Variants in KLHL29 observed in about 807,000 individuals in gnomAD.
The protein encoded by KLHL29 is kelch like family member 29.
In KLHL29, 21 loss-of-function variants were observed where a neutral mutation model predicts 80.4. That is an observed-to-expected ratio of 0.26 (90% CI 0.19 to 0.38). The LOEUF (loss-of-function observed/expected upper bound fraction) is 0.38, where lower values mean the gene tolerates loss of function less well. KLHL29 is among the 10% of genes least tolerant of loss of function. The pLI is 1.00. For synonymous variants in KLHL29, 511 were observed against 526.8 expected, an observed-to-expected ratio of 0.97 and a Z score of 0.41; for missense variants, 867 against 1,223.9, an observed-to-expected ratio of 0.71 and a Z score of 4.35.
intron 3 of KLHL29, among the ~76,000 whole-genome samples, chr2:23,614,112 A>G (rs960063677): frequency 2.0e-5 from 3 of 152,228 alleles, no homozygotes; most frequent in South Asian, 4.1e-4. Context: ...ACTCAAAACA[A>G]TGCACCCATT....
At chr2:23,501,032 A>T (rs529674811) in intron 2 of KLHL29, among the ~76,000 whole-genome samples, 68 of 152,288 alleles carry the variant, frequency 4.5e-4, no homozygotes, top group African/African-American at 1.6e-3. Flanking sequence ...TGGAGAGCTG[A>T]CGAGCAGCTT....
At chr2:23,403,858 G>A (rs1666659151) in intron 1 of KLHL29, among the ~76,000 whole-genome samples, 1 of 152,010 alleles carries the variant, frequency 6.6e-6, no homozygotes, top group Admixed American at 6.6e-5. Flanking sequence ...GTGCATATGT[G>A]TTTGCATTTG....
intron 11 of KLHL29, among the ~76,000 whole-genome samples, chr2:23,702,256 C>T (rs1171610477): frequency 6.6e-6 from 1 of 152,162 alleles, no homozygotes; most frequent in East Asian, 1.9e-4. Flanking sequence ...GCATTTAATA[C>T]ACCTGCCCTA....
intron 2 of KLHL29, among the ~76,000 whole-genome samples, chr2:23,511,847 A>G (rs1351228913): frequency 1.3e-5 from 2 of 151,964 alleles, no homozygotes; most frequent in East Asian, 3.9e-4. Context: ...TGGTGGGGGA[A>G]CCCAGCTGGT....
chr2:23,601,249 G>A (rs1360541461), intron 3 of KLHL29, among the ~76,000 whole-genome samples: 3 of 152,282 alleles, frequency 2.0e-5, no homozygotes, highest in Admixed American at 6.5e-5. Context: ...GAGGGGGCCC[G>A]GCAAGTCGGG....
rs1667181794 is a variant in KLHL29, at chr2:23,553,546, C to A, written c.-45-8606C>A. On this transcript the variant is annotated intron_variant, in intron 2 of 13. Coordinates refer to ENST00000486442, the MANE Select transcript of KLHL29 (RefSeq NM_052920.2). ...CACATTTCATGTCCACTTGGAGGTG[C>A]CGAACACCTCACCCCCTGAGGAATA... is the stretch of plus-strand genomic sequence containing the variant. 2.0e-5 allele frequency among the ~76,000 whole-genome samples: 3 copies of A among 152,298 alleles called. No individual in the cohort carries two copies. The South Asian group carries it at 6.2e-4, about 32-fold the overall frequency.
chr2:23,449,457 G>A (rs893719934), intron 1 of KLHL29, among the ~76,000 whole-genome samples: 2 of 152,192 alleles, frequency 1.3e-5, no homozygotes, highest in Non-Finnish European at 2.9e-5. Flanking sequence ...TCATGCATCA[G>A]TGGTCAGCTG....
intron 3 of KLHL29, among the ~76,000 whole-genome samples, chr2:23,565,303 A>T (rs1457406219): frequency 6.6e-6 from 1 of 152,058 alleles, no homozygotes; most frequent in African/African-American, 2.4e-5. Flanking sequence ...ACCTCAAGTG[A>T]TCCACCCACC....
At chr2:23,667,611 G>C (rs1670588352) in intron 5 of KLHL29, 1 of 152,528 alleles carries the variant, frequency 6.6e-6, no homozygotes, top group Non-Finnish European at 1.5e-5. Context: ...GTGCTCACCA[G>C]GCCCTGCTCA....
chr2:23,637,386 C>G (rs898934281), intron 3 of KLHL29, among the ~76,000 whole-genome samples: 3 of 152,144 alleles, frequency 2.0e-5, no homozygotes, highest in African/African-American at 7.2e-5. Context: ...GGCTAAGTCC[C>G]CAACCCCCTC....
At chr2:23,392,120 C>T (rs1666335744) in intron 1 of KLHL29, among the ~76,000 whole-genome samples, 1 of 152,188 alleles carries the variant, frequency 6.6e-6, no homozygotes, top group African/African-American at 2.4e-5. Context: ...CAGATAACCT[C>T]CATAAACCCA....
At chr2:23,389,388 G>A (rs952785618) in intron 1 of KLHL29, among the ~76,000 whole-genome samples, 5 of 152,186 alleles carry the variant, frequency 3.3e-5, no homozygotes, top group South Asian at 2.1e-4. Flanking sequence ...ATCAGGCAAA[G>A]TAATTGGAAC....
chr2:23,460,347 G>T (rs1173831332), intron 1 of KLHL29, among the ~76,000 whole-genome samples: 1 of 151,980 alleles, frequency 6.6e-6, no homozygotes, highest in Admixed American at 6.6e-5. Context: ...GGATGATTTT[G>T]TTCCTTTCCC....
chr2:23,624,130 A>T (rs1479149842), intron 3 of KLHL29, among the ~76,000 whole-genome samples: 1 of 152,056 alleles, frequency 6.6e-6, no homozygotes, highest in African/African-American at 2.4e-5. Context: ...CGCCATTGGT[A>T]TTCCACATGA....
intron 3 of KLHL29, among the ~76,000 whole-genome samples, chr2:23,595,245 C>G (rs1271388769): frequency 6.6e-6 from 1 of 152,132 alleles, no homozygotes; most frequent in Non-Finnish European, 1.5e-5. Flanking sequence ...GGAAGGAACC[C>G]TTCTTTCCTG....
At chr2:23,402,880 A>G (rs537218623) in intron 1 of KLHL29, among the ~76,000 whole-genome samples, 157 of 151,466 alleles carry the variant, frequency 1.0e-3, no homozygotes, top group African/African-American at 3.5e-3. Flanking sequence ...GTACATATAC[A>G]TATGTATCCC....
intron 2 of KLHL29, among the ~76,000 whole-genome samples, chr2:23,528,724 C>T (rs989071477): frequency 9.2e-5 from 14 of 152,218 alleles, no homozygotes; most frequent in African/African-American, 3.1e-4. Flanking sequence ...AAAGTGAAGG[C>T]TACTTCCTAG....
intron 3 of KLHL29, among the ~76,000 whole-genome samples, chr2:23,625,646 G>A (rs963415936): frequency 1.1e-4 from 16 of 152,324 alleles, no homozygotes; most frequent in East Asian, 3.9e-4. Flanking sequence ...CAGGCGGATC[G>A]ATCTCCACTC....
chr2:23,523,754 T>C (rs982998163), intron 2 of KLHL29, among the ~76,000 whole-genome samples: 14 of 152,196 alleles, frequency 9.2e-5, no homozygotes, highest in African/African-American at 3.4e-4. Context: ...GTTCATCTCT[T>C]TGCAAGAGCC....
Sources: gnomAD v4.1 joint callset for allele counts (sites outside exome capture counted in the v4.1 genomes callset) on GRCh38, gnomAD v4.1.1 for gene constraint, MANE v1.5 for transcripts, NCBI Gene and HGNC (gene_info 2026-07-23, HGNC 2026-07-21) for gene names.